Variants in WWTR1 observed in about 807,000 individuals in gnomAD.
The protein encoded by WWTR1 is WW domain-containing transcription regulator protein 1.
A neutral mutation model predicts 40.1 loss-of-function variants in WWTR1; 13 were observed. The ratio of observed to expected loss-of-function variants is 0.32; its 90% CI spans 0.21 to 0.52. The LOEUF (loss-of-function observed/expected upper bound fraction) is 0.52. Ranked by LOEUF, WWTR1 falls within the 20% of genes least tolerant of loss-of-function variation. The pLI is 0.97. For synonymous variants in WWTR1, 230 were observed against 210.1 expected, an observed-to-expected ratio of 1.09 and a Z score of -0.82; for missense variants, 436 against 523.1, an observed-to-expected ratio of 0.83 and a Z score of 1.63.
intron 2 of WWTR1, among the ~76,000 whole-genome samples, chr3:149,605,084 G>C (rs991556414): frequency 6.6e-6 from 1 of 152,230 alleles, no homozygotes; most frequent in Non-Finnish European, 1.5e-5. Context: ...AGAGGCCGGA[G>C]ACAGCACAAT....
intron 4 of WWTR1, among the ~76,000 whole-genome samples, chr3:149,537,419 A>G (rs1206331355): frequency 3.3e-5 from 5 of 152,192 alleles, no homozygotes; most frequent in Admixed American, 2.0e-4. Context: ...CACATGATAC[A>G]TACAAAAAGA....
At chr3:149,616,403 C>A (rs1739968250) in intron 2 of WWTR1, among the ~76,000 whole-genome samples, 1 of 151,952 alleles carries the variant, frequency 6.6e-6, no homozygotes, top group Admixed American at 6.6e-5. Flanking sequence ...ATTTCTTCCT[C>A]TGTACTTTCC....
chr3:149,579,102 TTAAAAC>T (rs747720627), intron 2 of WWTR1, among the ~76,000 whole-genome samples: 3 of 152,200 alleles, frequency 2.0e-5, no homozygotes, highest in Non-Finnish European at 2.9e-5. Flanking sequence ...TTGAAAGAAT[TTAAAAC>T]TATTAGCAGC....
chr3:149,570,209 C>T (rs1737550680), intron 3 of WWTR1, among the ~76,000 whole-genome samples: 1 of 152,140 alleles, frequency 6.6e-6, no homozygotes, highest in Admixed American at 6.5e-5. Context: ...TTGCAATGGG[C>T]AAATACACAA....
At chr3:149,558,690 A>G (rs1049415094) in intron 3 of WWTR1, among the ~76,000 whole-genome samples, 2 of 152,244 alleles carry the variant, frequency 1.3e-5, no homozygotes, top group African/African-American at 4.8e-5. Flanking sequence ...AACCTAAACC[A>G]AAATCACGAA....
At chr3:149,552,403 G>A (rs1736650788) in intron 3 of WWTR1, among the ~76,000 whole-genome samples, 1 of 152,206 alleles carries the variant, frequency 6.6e-6, no homozygotes, top group Admixed American at 6.6e-5. Flanking sequence ...TCCATTTATA[G>A]CAAGATGATC....
chr3:149,649,974 CT>C, intron 2 of WWTR1: 1 of 151,220 alleles, frequency 6.6e-6, no homozygotes, highest in Admixed American at 6.6e-5. Flanking sequence ...GTTGCCCAGG[CT>C]TGTCTCAAAC....
At chr3:149,719,760 T>C (rs1410801339) in intron 4 of WWTR1, among the ~76,000 whole-genome samples, 18 of 152,194 alleles carry the variant, frequency 1.2e-4, no homozygotes, top group Admixed American at 1.2e-3. Flanking sequence ...TTTCTCCACA[T>C]ACCCTGCAAA....
chr3:149,599,302 T>C (rs917727150), intron 2 of WWTR1, among the ~76,000 whole-genome samples: 2 of 152,224 alleles, frequency 1.3e-5, no homozygotes, highest in Admixed American at 6.5e-5. Flanking sequence ...CCATGGCCCA[T>C]GGCAGAAAAC....
At chr3:149,600,630 G>C (rs1007313673) in intron 2 of WWTR1, among the ~76,000 whole-genome samples, 51 of 152,148 alleles carry the variant, frequency 3.4e-4, no homozygotes, top group Non-Finnish European at 1.2e-4. Context: ...CTTCCTCAAG[G>C]CAATAGCCAC....
intron 2 of WWTR1, among the ~76,000 whole-genome samples, chr3:149,617,350 T>A (rs1356127365): frequency 6.6e-6 from 1 of 152,186 alleles, no homozygotes; most frequent in African/African-American, 2.4e-5. Flanking sequence ...GCTTATGTAG[T>A]AGCATGTGGA....
chr3:149,570,569 AAATAAT>A (rs71135699), intron 3 of WWTR1, among the ~76,000 whole-genome samples: 44,397 of 146,334 alleles, frequency 0.3, 7,354 homozygotes, highest in East Asian at 0.76. Flanking sequence ...CTCTTTCTCA[AAATAAT>A]AATAATAATA....
chr3:149,673,038 T>G (rs1446908630), intron 1 of WWTR1, among the ~76,000 whole-genome samples: 1 of 152,180 alleles, frequency 6.6e-6, no homozygotes, highest in Non-Finnish European at 1.5e-5. Context: ...GCAGCTGGCA[T>G]ATAATGTTAC....
intron 2 of WWTR1, among the ~76,000 whole-genome samples, chr3:149,593,834 T>C (rs1216050915): frequency 6.6e-6 from 1 of 152,216 alleles, no homozygotes; most frequent in Non-Finnish European, 1.5e-5. Flanking sequence ...TCTTTGAAGG[T>C]GGGCTTTCAA....
intron 4 of WWTR1, among the ~76,000 whole-genome samples, chr3:149,534,464 C>G (rs1560047980): frequency 6.6e-6 from 1 of 152,148 alleles, no homozygotes; most frequent in Non-Finnish European, 1.5e-5. Flanking sequence ...TCAGACAGTT[C>G]AGAGGAAATT....
At chr3:149,645,338 C>G (rs1052697269) in intron 2 of WWTR1, among the ~76,000 whole-genome samples, 1 of 152,104 alleles carries the variant, frequency 6.6e-6, no homozygotes, top group African/African-American at 2.4e-5. Flanking sequence ...CTCGGCCTCC[C>G]AAAGTGCTGG....
intron 2 of WWTR1, among the ~76,000 whole-genome samples, chr3:149,617,255 C>T (rs560878803): frequency 1.6e-4 from 24 of 152,274 alleles, no homozygotes; most frequent in African/African-American, 4.8e-4. Flanking sequence ...GAACTTTCAT[C>T]TCATCTCACT....
rs112569936 is a variant in WWTR1, at chr3:149,541,738, G to C, written c.771+597C>G. On this transcript the variant is annotated intron_variant, in intron 4 of 6. Coordinates refer to ENST00000360632, the MANE Select transcript of WWTR1 (RefSeq NM_015472.6). ...TAGAATGCTTTTTCTTGAAAACCCA[G>C]CTGCTATGGAATGAGTACCACTACT... is the stretch of plus-strand genomic sequence containing the variant. 4.4e-3 allele frequency among the ~76,000 whole-genome samples: 662 copies of C among 151,388 alleles called. 5 individuals are homozygous for C. Among genetic ancestry groups the C allele is most frequent in the African/African-American group, 0.015 (623 of 41,210 alleles).
chr3:149,527,830 A>G lies in WWTR1; in HGVS notation c.905+6T>C, dbSNP rs1384509628. On this transcript the variant is annotated splice_donor_region_variant and intron_variant, in intron 5 of 6. Coordinates refer to ENST00000360632, the MANE Select transcript of WWTR1 (RefSeq NM_015472.6). ...AAAAATAAGTGGCCCCCAAATATTA[A>G]CTTACCCATTGAGGAAAGGATCTGA... 1.2e-6 allele frequency: 2 copies of G among 1,613,936 alleles called. No individual in the cohort carries two copies. Among genetic ancestry groups the G allele is most frequent in the East Asian group, 2.2e-5 (1 of 44,874 alleles).
Sources: gnomAD v4.1 joint callset for allele counts (sites outside exome capture counted in the v4.1 genomes callset) on GRCh38, gnomAD v4.1.1 for gene constraint, MANE v1.5 for transcripts, NCBI Gene and HGNC (gene_info 2026-07-23, HGNC 2026-07-21) for gene names.